Variants in TENM4 observed in about 807,000 individuals in gnomAD.
The protein encoded by TENM4 is teneurin-4.
A neutral mutation model predicts 243.3 loss-of-function variants in TENM4; 82 were observed. The observed-to-expected ratio is 0.34, with a 90% CI of 0.28 to 0.40. The LOEUF is 0.40. Among genes scored for constraint, TENM4 ranks in the 10% least tolerant of loss-of-function variants. The pLI, the probability that TENM4 is intolerant of heterozygous loss-of-function variation, is 1.00. For missense variants in TENM4, 3,138 were observed against 3,673.3 expected, an observed-to-expected ratio of 0.85 and a Z score of 3.77; for synonymous variants, 1,412 against 1,456.3, an observed-to-expected ratio of 0.97 and a Z score of 0.69.
intron 9 of TENM4, among the ~76,000 whole-genome samples, chr11:78,872,172 T>C (rs558996225): frequency 6.6e-6 from 1 of 152,204 alleles, no homozygotes; most frequent in African/African-American, 2.4e-5. Context: ...ATGCCAGATA[T>C]GAAGTTCTTG....
At chr11:79,376,115 C>T (rs1857885780) in intron 1 of TENM4, among the ~76,000 whole-genome samples, 1 of 152,222 alleles carries the variant, frequency 6.6e-6, no homozygotes, top group Admixed American at 6.5e-5. Flanking sequence ...GCCAGTCTGC[C>T]TGTCTGCACA....
chr11:78,768,311 C>A (rs1218083450), intron 18 of TENM4, among the ~76,000 whole-genome samples: 1 of 152,182 alleles, frequency 6.6e-6, no homozygotes, highest in African/African-American at 2.4e-5. Flanking sequence ...TTGGCCTTCC[C>A]AGCTGGTTCT....
At chr11:79,406,830 T>C (rs76473585) in intron 1 of TENM4, among the ~76,000 whole-genome samples, 13,556 of 152,236 alleles carry the variant, frequency 0.089, 633 homozygotes, top group Non-Finnish European at 0.11. Flanking sequence ...GAGAGAAATA[T>C]ATATTTACTC....
intron 1 of TENM4, among the ~76,000 whole-genome samples, chr11:79,332,821 C>T (rs1857083391): frequency 6.6e-6 from 1 of 152,118 alleles, no homozygotes; most frequent in Admixed American, 6.5e-5. Flanking sequence ...GCTTGCTCAC[C>T]TCCTCTGGTG....
At chr11:79,181,990 A>T (rs1462011934) in intron 3 of TENM4, among the ~76,000 whole-genome samples, 1 of 152,028 alleles carries the variant, frequency 6.6e-6, no homozygotes, top group South Asian at 2.1e-4. Context: ...AAACAGGAAG[A>T]CTCAAAATTG....
intron 7 of TENM4, among the ~76,000 whole-genome samples, chr11:78,898,177 G>A (rs2136314393): frequency 6.6e-6 from 1 of 152,322 alleles, no homozygotes; most frequent in Admixed American, 6.5e-5. Flanking sequence ...AGCACAGGTA[G>A]GCCCAGGCTC....
At chr11:79,311,537 G>C (rs1856721757) in intron 1 of TENM4, among the ~76,000 whole-genome samples, 1 of 152,132 alleles carries the variant, frequency 6.6e-6, no homozygotes, top group South Asian at 2.1e-4. Flanking sequence ...TTGCAGATTG[G>C]GCTGATATTT....
chr11:79,062,875 G>A (rs774033499), intron 6 of TENM4, among the ~76,000 whole-genome samples: 8 of 152,100 alleles, frequency 5.3e-5, no homozygotes, highest in Non-Finnish European at 1.2e-4. Flanking sequence ...GTGGGGAGAA[G>A]CAGGGTTGCT....
At chr11:79,334,351 A>G (rs1857113007) in intron 1 of TENM4, among the ~76,000 whole-genome samples, 1 of 152,176 alleles carries the variant, frequency 6.6e-6, no homozygotes, top group African/African-American at 2.4e-5. Flanking sequence ...GCCAGGTGCC[A>G]GGAGATGCCT....
intron 2 of TENM4, among the ~76,000 whole-genome samples, chr11:79,216,782 T>G (rs568992357): frequency 3.4e-4 from 51 of 152,196 alleles, no homozygotes; most frequent in Non-Finnish European, 6.0e-4. Context: ...CCTCCAGAAC[T>G]GTGAGCTAAA....
At chr11:79,089,835 T>A (rs1565199342) in intron 4 of TENM4, among the ~76,000 whole-genome samples, 2 of 152,164 alleles carry the variant, frequency 1.3e-5, no homozygotes. Context: ...CTGGTGATAT[T>A]TGTGTGCTGT....
At chr11:79,399,661 G>C (rs1220535923) in intron 1 of TENM4, among the ~76,000 whole-genome samples, 1 of 151,850 alleles carries the variant, frequency 6.6e-6, no homozygotes, top group Non-Finnish European at 1.5e-5. Flanking sequence ...TCTTAGTTCT[G>C]GTGGAAACAC....
intron 6 of TENM4, among the ~76,000 whole-genome samples, chr11:79,058,934 T>G (rs1348271133): frequency 6.6e-6 from 1 of 152,182 alleles, no homozygotes; most frequent in Non-Finnish European, 1.5e-5. Flanking sequence ...TTTTGACCAC[T>G]TTGGGACTTA....
intron 33 of TENM4, 98 bp downstream of exon 33, chr11:78,661,351 G>A (rs1858025430): frequency 1.4e-6 from 2 of 1,459,286 alleles, no homozygotes; most frequent in Admixed American, 2.1e-5. Context: ...CACCACATTG[G>A]TGTCTATCAC....
intron 4 of TENM4, among the ~76,000 whole-genome samples, chr11:79,105,704 G>A (rs1861348640): frequency 6.6e-6 from 1 of 152,152 alleles, no homozygotes; most frequent in Non-Finnish European, 1.5e-5. Context: ...TCAGCCCCAT[G>A]GTTTGAAGTA....
chr11:79,079,831 C>A (rs945514270), intron 4 of TENM4, among the ~76,000 whole-genome samples: 757 of 113,870 alleles, frequency 6.6e-3, no homozygotes, highest in Non-Finnish European at 7.4e-3. Flanking sequence ...CACTTTGTTT[C>A]AAAAAAAAAA....
chr11:78,991,928 T>C (rs1454004347), intron 6 of TENM4, among the ~76,000 whole-genome samples: 1 of 152,228 alleles, frequency 6.6e-6, no homozygotes, highest in African/African-American at 2.4e-5. Flanking sequence ...GGAAACCCCA[T>C]TCTATTTTGA....
chr11:79,311,568 T>G (rs1590870943), intron 1 of TENM4, among the ~76,000 whole-genome samples: 1 of 152,186 alleles, frequency 6.6e-6, no homozygotes, highest in East Asian at 1.9e-4. Context: ...CAATATACAG[T>G]TTTTTATGAG....
chr11:78,926,005 C>A (rs1856544585), intron 6 of TENM4, among the ~76,000 whole-genome samples: 1 of 151,298 alleles, frequency 6.6e-6, no homozygotes, highest in Admixed American at 6.6e-5. Context: ...ATTATATAAC[C>A]AATGACTACC....
Sources: allele counts gnomAD v4.1 joint callset (sites outside exome capture counted in the v4.1 genomes callset), GRCh38; gene constraint gnomAD v4.1.1; transcripts MANE v1.5; gene names NCBI Gene and HGNC (gene_info 2026-07-23, HGNC 2026-07-21).